Variants in PTPRG observed in about 807,000 individuals in gnomAD.
PTPRG encodes the protein protein tyrosine phosphatase receptor type G.
In PTPRG, 102 loss-of-function variants were observed where a neutral mutation model predicts 165.3. That is an observed-to-expected ratio of 0.62 (90% CI 0.53 to 0.73). The LOEUF is 0.73. Ranked by LOEUF, PTPRG falls within the 30% of genes least tolerant of loss-of-function variation. The pLI, the probability that PTPRG is intolerant of heterozygous loss-of-function variation, is 0.00. For synonymous variants in PTPRG, 675 were observed against 669.5 expected, an observed-to-expected ratio of 1.01 and a Z score of -0.13; for missense variants, 1,866 against 1,861.4, an observed-to-expected ratio of 1.00 and a Z score of -0.05.
intron 1 of PTPRG, among the ~76,000 whole-genome samples, chr3:61,681,526 A>G (rs566237664): frequency 2.0e-5 from 3 of 152,294 alleles, no homozygotes; most frequent in South Asian, 4.1e-4. Flanking sequence ...CAGAGGAAGC[A>G]TTGTCATACA....
chr3:61,702,802 A>G (rs2031043517), intron 1 of PTPRG, among the ~76,000 whole-genome samples: 2 of 152,226 alleles, frequency 1.3e-5, no homozygotes, highest in African/African-American at 4.8e-5. Context: ...TATGAAATTC[A>G]CACGTGATGT....
At chr3:61,665,271 C>G (rs1023815217) in intron 1 of PTPRG, among the ~76,000 whole-genome samples, 2 of 152,118 alleles carry the variant, frequency 1.3e-5, no homozygotes, top group Non-Finnish European at 2.9e-5. Flanking sequence ...ACTCGCCTAT[C>G]AGTATTTTCA....
At chr3:62,216,044 C>T (rs1310027804) in intron 12 of PTPRG, among the ~76,000 whole-genome samples, 1 of 151,972 alleles carries the variant, frequency 6.6e-6, no homozygotes, top group Non-Finnish European at 1.5e-5. Flanking sequence ...ATGGTGAAAC[C>T]TCGTCTCTAC....
chr3:62,240,735 C>A lies in PTPRG; in HGVS notation c.2376-3072C>A, dbSNP rs189990746. Among the ~76,000 whole-genome samples, 2 of 152,314 alleles carry A rather than the reference C, an allele frequency of 1.3e-5. No homozygotes were observed. The highest frequency in any genetic ancestry group is 3.9e-4 in the East Asian group (2 of 5,170). ...TAAGGCTCTTCAACTAGCTGCTTGA[C>A]CTGCCTAAAATGGTCTTCCTCCAGA... On this transcript the variant is annotated intron_variant, in intron 14 of 29. Coordinates refer to ENST00000474889, the MANE Select transcript of PTPRG (RefSeq NM_002841.4). This position sits in a 1 kb window ranked among gnomAD's most constrained non-coding sequence, Gnocchi z 5.1.
intron 1 of PTPRG, among the ~76,000 whole-genome samples, chr3:61,660,190 A>G (rs1213366719): frequency 2.0e-5 from 3 of 152,192 alleles, no homozygotes; most frequent in African/African-American, 7.2e-5. Context: ...ATGCCACTGC[A>G]CTCCAGCCTG....
chr3:62,069,674 T>TCA (rs1263078272), intron 4 of PTPRG, among the ~76,000 whole-genome samples: 1 of 28,886 alleles, frequency 3.5e-5, no homozygotes, highest in South Asian at 1.1e-3. Flanking sequence ...TCTCTCTCTC[T>TCA]CTCTCTCTCT....
intron 2 of PTPRG, among the ~76,000 whole-genome samples, chr3:61,820,533 A>G (rs1377838739): frequency 6.6e-6 from 1 of 151,558 alleles, no homozygotes; most frequent in Admixed American, 6.6e-5. Context: ...GGCCCAGTCA[A>G]GTTGACACAC....
intron 6 of PTPRG, among the ~76,000 whole-genome samples, chr3:62,150,656 T>A (rs765452670): frequency 2.6e-5 from 4 of 152,134 alleles, no homozygotes; most frequent in Non-Finnish European, 5.9e-5. Context: ...AAGGAAAAGT[T>A]AATTGCTTTT....
At chr3:61,771,110 A>G (rs1045627287) in intron 2 of PTPRG, 1 of 152,170 alleles carries the variant, frequency 6.6e-6, no homozygotes. Context: ...AGTTGAGCTC[A>G]ATGAAAAGAA....
At chr3:62,064,677 T>G (rs1176091485) in intron 4 of PTPRG, among the ~76,000 whole-genome samples, 2 of 151,168 alleles carry the variant, frequency 1.3e-5, no homozygotes, top group Non-Finnish European at 2.9e-5. Flanking sequence ...CAGGAAATCA[T>G]TAGAAAAAAC....
chr3:61,922,921 G>A (rs1008004852), intron 2 of PTPRG, among the ~76,000 whole-genome samples: 4 of 152,160 alleles, frequency 2.6e-5, no homozygotes, highest in Admixed American at 6.5e-5. Flanking sequence ...GGTTACAAGC[G>A]TAAGCCACCA....
At chr3:61,599,611 G>A (rs1429133490) in intron 1 of PTPRG, among the ~76,000 whole-genome samples, 1 of 151,862 alleles carries the variant, frequency 6.6e-6, no homozygotes. Flanking sequence ...TCCCAACTTA[G>A]GTTCCCAAGT....
rs1311763609 is a variant in PTPRG, at chr3:62,173,082, A to G, written c.1033+4919A>G. Among the ~76,000 whole-genome samples the G allele has an allele frequency of 2.0e-5, 3 of 152,314 alleles. No individual in the cohort carries two copies. The East Asian group carries it at 5.8e-4, about 29-fold the overall frequency. On this transcript the variant is annotated intron_variant, in intron 8 of 29. Coordinates refer to ENST00000474889, the MANE Select transcript of PTPRG (RefSeq NM_002841.4). ...CCTTGGATGCTCAAGTCCCTTATATAAAATGGTGTTGTATTTGCACATAAC... is the reference window on the plus strand; with the variant it reads ...CCTTGGATGCTCAAGTCCCTTATATGAAATGGTGTTGTATTTGCACATAAC...
At chr3:62,095,297 C>G (rs1293971792) in intron 5 of PTPRG, among the ~76,000 whole-genome samples, 1 of 152,136 alleles carries the variant, frequency 6.6e-6, no homozygotes, top group Non-Finnish European at 1.5e-5. Context: ...TTCAGTGAGG[C>G]AAAGGAAGAA....
In PTPRG at chr3:62,281,538, C is replaced by CTTTTTTTTTTTTTGTTTTTTTTTTT; in HGVS notation, c.3766-11_3766-10insTTTTTTTTTTTTTTTTTTTTTTTTG. 9.7e-6 allele frequency: 6 copies of CTTTTTTTTTTTTTGTTTTTTTTTTT among 620,526 alleles called. 2 individuals are homozygous for CTTTTTTTTTTTTTGTTTTTTTTTTT. Among genetic ancestry groups the CTTTTTTTTTTTTTGTTTTTTTTTTT allele is most frequent in the South Asian group, 5.9e-5 (2 of 33,952 alleles). 38.4% of individuals were successfully genotyped at this position (620,526 alleles called of 1,614,324 possible). A position where few individuals can be genotyped will look rare whatever the true frequency, so the allele number is the denominator to read the frequency against. The stretch of plus-strand genomic sequence containing the variant: ...CAAATCCTTGACAGAACTGCAGAGG[C>CTTTTTTTTTTTTTGTTTTTTTTTTT]TTTTTTTTTTTTTGGATTCCAAAGG... On this transcript the variant is annotated intron_variant, in intron 26 of 29. Coordinates refer to ENST00000474889, the MANE Select transcript of PTPRG (RefSeq NM_002841.4).
intron 1 of PTPRG, among the ~76,000 whole-genome samples, chr3:61,627,502 G>A (rs1033563763): frequency 2.0e-5 from 3 of 152,098 alleles, no homozygotes; most frequent in Non-Finnish European, 4.4e-5. Context: ...TTAAGTATTT[G>A]TGGGGTAATG....
At position 61,742,003 on chromosome 3, in the gene PTPRG, ATC is replaced by A; in HGVS notation, c.86-6869_86-6868del. On this transcript the variant is annotated intron_variant, in intron 1 of 29. Transcript: ENST00000474889. ...TCAATATAGACTCAGTGACCCTTTC[ATC>A]TCTCTGAGAGTAAAACTTAAGAAAA... Among the ~76,000 whole-genome samples the A allele has an allele frequency of 2.0e-5, 3 of 152,312 alleles. No homozygotes were observed. The South Asian group carries it at 6.2e-4, about 32-fold the overall frequency.
chr3:61,950,942 G>A (rs1244129720), intron 2 of PTPRG, among the ~76,000 whole-genome samples: 1 of 152,232 alleles, frequency 6.6e-6, no homozygotes, highest in Admixed American at 6.5e-5. Context: ...ATGTGGACAA[G>A]TATTTCAACC....
At chr3:62,022,719 T>C (rs1016785873) in intron 4 of PTPRG, among the ~76,000 whole-genome samples, 1 of 152,206 alleles carries the variant, frequency 6.6e-6, no homozygotes, top group Non-Finnish European at 1.5e-5. Context: ...GCTGGAATTA[T>C]ATACCTTTTG....
Sources: allele counts gnomAD v4.1 joint callset (sites outside exome capture counted in the v4.1 genomes callset), GRCh38; gene constraint gnomAD v4.1.1; non-coding constraint Gnocchi (gnomAD v3.1); transcripts MANE v1.5; gene names NCBI Gene and HGNC (gene_info 2026-07-23, HGNC 2026-07-21).